The following NCBP2L variants were observed in gnomAD, a reference collection of about 807,000 sequenced individuals.
NCBP2L encodes the protein nuclear cap-binding protein subunit 2-like.
For synonymous variants in NCBP2L, 39 were observed against 19.2 expected, an observed-to-expected ratio of 2.04 and a Z score of -2.70; for missense variants, 95 against 53.1, an observed-to-expected ratio of 1.79 and a Z score of -2.45.
intron 1 of NCBP2L, among the ~76,000 whole-genome samples, chrX:107,779,454 C>T (rs902396648): frequency 2.7e-5 from 3 of 112,066 alleles, no homozygotes; most frequent in Non-Finnish European, 5.6e-5. Flanking sequence ...TTTTTTAGAA[C>T]GAGTCTTGCT....
intron 1 of NCBP2L, among the ~76,000 whole-genome samples, chrX:107,780,043 C>T (rs1481859199): frequency 2.7e-5 from 3 of 110,101 alleles, no homozygotes; most frequent in Non-Finnish European, 5.7e-5. Flanking sequence ...CGCGCCCAGC[C>T]TCCCCTGAAT....
intron 1 of NCBP2L, among the ~76,000 whole-genome samples, chrX:107,781,651 C>CTATCATCTATCTATCTATCTATCT (rs1405952181): frequency 1.5e-5 from 1 of 65,221 alleles, no homozygotes; most frequent in African/African-American, 8.4e-5. Flanking sequence ...ATCTATCTAT[C>CTATCATCTATCTATCTATCTATCT]ATCTATCTAT....
rs140393358 is a variant in NCBP2L at position 107,790,719 on chromosome X, G to A, written c.-72-3430G>A. Among the ~76,000 whole-genome samples the A allele has an allele frequency of 8.8e-3, 987 of 111,744 alleles. 12 individuals are homozygous for A. Among genetic ancestry groups the A allele is most frequent in the African/African-American group, 0.03 (930 of 30,761 alleles). ...AGATACACAAGAAACTAGTGACAAT[G>A]ATTGGGTGGCTGGGGCACAGGAGTG... is the stretch of plus-strand genomic sequence containing the variant. On this transcript the variant is annotated intron_variant, in intron 1 of 1. Transcript: ENST00000509000.
intron 1 of NCBP2L, among the ~76,000 whole-genome samples, chrX:107,790,328 G>C (rs1930434688): frequency 9.0e-6 from 1 of 111,422 alleles, no homozygotes; most frequent in African/African-American, 3.3e-5. Flanking sequence ...TGGTCTTCCT[G>C]CCTCTTGGCC....
In NCBP2L at chrX:107,791,598, G is replaced by C. The variant is rs185651948; in HGVS notation, c.-72-2551G>C. Among the ~76,000 whole-genome samples, 89 of 112,442 alleles carry C rather than the reference G, an allele frequency of 7.9e-4. 1 individual carries two copies. The highest frequency in any genetic ancestry group is 1.8e-3 in the Admixed American group (19 of 10,651). ...CAATTATCTTGTCAATTTGGGCTCA[G>C]CATCATGTAAGACTGCCCAGATCAT... On this transcript the variant is annotated intron_variant, in intron 1 of 1. Coordinates refer to ENST00000509000, the MANE Select transcript of NCBP2L (RefSeq NM_001348372.2).
Position 107,795,457 on chromosome X carries a change from T to C in NCBP2L, c.*775T>C, listed in dbSNP as rs1930508275. ...GGCTTACAATGTTTGGACTTTACAA[T>C]GGTATAAAAGTGATGTGCATTCAGT... On this transcript the variant is annotated 3_prime_UTR_variant, in exon 2 of 2. Coordinates refer to ENST00000509000, the MANE Select transcript of NCBP2L (RefSeq NM_001348372.2). The C allele has an allele frequency of 8.9e-6, 1 of 111,958 alleles. No individual in the cohort carries two copies. Among genetic ancestry groups the C allele is most frequent in the Non-Finnish European group, 1.9e-5 (1 of 53,236 alleles). 9.2% of individuals were successfully genotyped at this position (111,958 alleles called of 1,213,427 possible). A position where few individuals can be genotyped will look rare whatever the true frequency, so the allele number is the denominator to read the frequency against.
intron 1 of NCBP2L, among the ~76,000 whole-genome samples, chrX:107,781,207 G>A (rs1930260865): frequency 9.5e-6 from 1 of 105,139 alleles, no homozygotes; most frequent in Admixed American, 1.0e-4. Context: ...CATGAGCCAT[G>A]AAGGCCGGCT....
intron 1 of NCBP2L, among the ~76,000 whole-genome samples, chrX:107,783,358 C>CTTTTTTTT (rs769083822): frequency 0.016 from 1,003 of 61,395 alleles, no homozygotes; most frequent in Non-Finnish European, 0.022. Context: ...TGGCACTTGC[C>CTTTTTTTT]TTTTTTTTTT....
chrX:107,782,094 T>C (rs1177294020), intron 1 of NCBP2L, among the ~76,000 whole-genome samples: 2 of 86,078 alleles, frequency 2.3e-5, no homozygotes, highest in Admixed American at 1.6e-4. Flanking sequence ...TTTAATGTTC[T>C]CAACCACAAA....
In NCBP2L at chrX:107,794,629, C is replaced by T. The variant is rs764981347; in HGVS notation, c.409C>T (p.Arg137Cys). The change falls in exon 2 of 2, where the codon CGT (arginine) becomes TGT (cysteine). Residue 137 changes from arginine to cysteine, a missense_variant. By Grantham distance (180) the Arg-to-Cys change is radical. Transcript: ENST00000509000. The stretch of plus-strand genomic sequence containing the variant: ...TGGGGGTCAGGTAAGGGATGAGTTT[C>T]GTGAAGATTTTCATTCTGGTAGAGG... The part of the protein sequence containing the change: ...KSGGQVRDEF[R>C]EDFHSGRGGF... The T allele has an allele frequency of 1.1e-5, 6 of 567,180 alleles. No individual in the cohort carries two copies. Among genetic ancestry groups the T allele is most frequent in the African/African-American group, 6.8e-5 (3 of 44,419 alleles). 46.7% of individuals were successfully genotyped at this position (567,180 alleles called of 1,213,427 possible). A position where few individuals can be genotyped will look rare whatever the true frequency, so the allele number is the denominator to read the frequency against.
At chrX:107,786,344 G>A (rs1233272084) in intron 1 of NCBP2L, among the ~76,000 whole-genome samples, 1 of 112,176 alleles carries the variant, frequency 8.9e-6, no homozygotes, top group Non-Finnish European at 1.9e-5. Flanking sequence ...CACAAAAGAT[G>A]TTTTTAGCTT....
rs1930505861 is a variant in NCBP2L at position 107,795,255 on chromosome X, C to T, written c.*573C>T. The T allele has an allele frequency of 8.9e-6, 1 of 111,862 alleles. No individual in the cohort carries two copies. The highest frequency in any genetic ancestry group is 9.5e-5 in the Admixed American group (1 of 10,484). 9.2% of individuals were successfully genotyped at this position (111,862 alleles called of 1,213,427 possible). A position where few individuals can be genotyped will look rare whatever the true frequency, so the allele number is the denominator to read the frequency against. ...TGGTTTGTTTGTTTCTTGGTAGTTT[C>T]CTCCATATCTCCAAATAACATGACT... is the stretch of plus-strand genomic sequence containing the variant. On this transcript the variant is annotated 3_prime_UTR_variant, in exon 2 of 2. Transcript: ENST00000509000.
At chrX:107,784,492 T>C (rs970688493) in intron 1 of NCBP2L, among the ~76,000 whole-genome samples, 14 of 110,479 alleles carry the variant, frequency 1.3e-4, no homozygotes, top group African/African-American at 4.6e-4. Context: ...ATATATGTAA[T>C]ATGAAATTAC....
chrX:107,789,197 T>G lies in NCBP2L; in HGVS notation c.-72-4952T>G, dbSNP rs865849648. Among the ~76,000 whole-genome samples the G allele has an allele frequency of 7.8e-3, 775 of 99,226 alleles. 10 individuals carry two copies. The highest frequency in any genetic ancestry group is 0.029 in the African/African-American group (725 of 24,976). 86.2% of individuals were successfully genotyped at this position (99,226 alleles called of 115,157 possible). ...CTCTTTTTTTTTTTTTTTTTTTTTT[T>G]GGGCTTGCAGAAATACACATAGCTT... On this transcript the variant is annotated intron_variant, in intron 1 of 1. Transcript: ENST00000509000.
At chrX:107,788,567 G>A in intron 1 of NCBP2L, among the ~76,000 whole-genome samples, 2 of 112,083 alleles carry the variant, frequency 1.8e-5, no homozygotes, top group Non-Finnish European at 3.8e-5. Context: ...ATTTGTAAAT[G>A]TTCACTTTAA....
At chrX:107,778,130 G>GT (rs1930213312) in intron 1 of NCBP2L, among the ~76,000 whole-genome samples, 1 of 110,376 alleles carries the variant, frequency 9.1e-6, no homozygotes, top group African/African-American at 3.3e-5. Flanking sequence ...CAGTGTTTAT[G>GT]TTTTTTCCTC....
chrX:107,787,434 T>G (rs1298868325), intron 1 of NCBP2L, among the ~76,000 whole-genome samples: 3 of 111,945 alleles, frequency 2.7e-5, no homozygotes, highest in Non-Finnish European at 5.6e-5. Context: ...TCGAGTGCAG[T>G]TTTGGTACAT....
At position 107,794,609 on chromosome X, in the gene NCBP2L, G is replaced by A. The variant is rs911980999; in HGVS notation, c.389G>A (p.Gly130Asp). Reference protein sequence around the residue: ...GQQYGRGKSGGQVRDEFREDF... With the variant: ...GQQYGRGKSGDQVRDEFREDF... ...CAGTATGGTCGCGGTAAATCTGGGG[G>A]TCAGGTAAGGGATGAGTTTCGTGAA... The change falls in exon 2 of 2, where the codon GGT (glycine) becomes GAT (aspartate). Residue 130 changes from glycine to aspartate, a missense_variant. Physicochemically the swap from Gly to Asp is moderately conservative, Grantham distance 94. Coordinates refer to ENST00000509000, the MANE Select transcript of NCBP2L (RefSeq NM_001348372.2). 1 of 569,602 alleles carries A rather than the reference G, an allele frequency of 1.8e-6. No homozygotes were observed. 46.9% of individuals were successfully genotyped at this position (569,602 alleles called of 1,213,427 possible).
At chrX:107,793,601 T>C (rs1355442932) in intron 1 of NCBP2L, among the ~76,000 whole-genome samples, 3 of 112,357 alleles carry the variant, frequency 2.7e-5, no homozygotes, top group Non-Finnish European at 5.6e-5. Flanking sequence ...AAATTTATGA[T>C]ACCAGAGAGT....
Sources: allele counts gnomAD v4.1 joint callset (sites outside exome capture counted in the v4.1 genomes callset), GRCh38; gene constraint gnomAD v4.1.1; transcripts MANE v1.5; gene names NCBI Gene and HGNC (gene_info 2026-07-23, HGNC 2026-07-21).